Variants in HTR2C observed in about 807,000 individuals in gnomAD.
HTR2C encodes 5-hydroxytryptamine (serotonin) receptor 2C, G protein-coupled.
Under a neutral mutation model 21.0 loss-of-function variants are expected in HTR2C, and 5 were observed. That is an observed-to-expected ratio of 0.24 (90% confidence interval 0.12 to 0.50). HTR2C has a LOEUF of 0.50. Among genes scored for constraint, HTR2C ranks in the 20% least tolerant of loss-of-function variants. The pLI is 0.98. For missense variants in HTR2C, 271 were observed against 371.2 expected, an observed-to-expected ratio of 0.73 and a Z score of 2.22; for synonymous variants, 150 against 145.3, an observed-to-expected ratio of 1.03 and a Z score of -0.23.
chrX:114,898,531 T>G (rs1301193614), intron 5 of HTR2C, among the ~76,000 whole-genome samples: 3 of 112,133 alleles, frequency 2.7e-5, no homozygotes, highest in Admixed American at 9.4e-5. Context: ...TTTGGGGTTT[T>G]ACATTTAAGT....
intron 2 of HTR2C, among the ~76,000 whole-genome samples, chrX:114,642,435 A>G (rs1182309169): frequency 1.8e-5 from 2 of 111,951 alleles, no homozygotes; most frequent in African/African-American, 6.5e-5. Flanking sequence ...AAAAATATGC[A>G]ATCTAAGAGG....
chrX:114,725,211 G>A (rs1556421615), intron 2 of HTR2C, among the ~76,000 whole-genome samples: 1 of 110,951 alleles, frequency 9.0e-6, no homozygotes, highest in African/African-American at 3.3e-5. Flanking sequence ...GGCTTTGTTG[G>A]TTTCTTTTTA....
chrX:114,716,781 T>C (rs2147326299), intron 2 of HTR2C, among the ~76,000 whole-genome samples: 1 of 111,741 alleles, frequency 8.9e-6, no homozygotes, highest in African/African-American at 3.2e-5. Flanking sequence ...TCATTAGTCC[T>C]AAGGATAATT....
chrX:114,687,075 G>A (rs935925210), intron 2 of HTR2C, among the ~76,000 whole-genome samples: 2 of 108,521 alleles, frequency 1.8e-5, no homozygotes, highest in Non-Finnish European at 3.9e-5. Context: ...TTACACTGAC[G>A]TTTAGAAGAG....
At chrX:114,657,980 C>A (rs781972046) in intron 2 of HTR2C, among the ~76,000 whole-genome samples, 2 of 110,471 alleles carry the variant, frequency 1.8e-5, no homozygotes, top group African/African-American at 6.5e-5. Flanking sequence ...AACAAGATGC[C>A]CAGGCTTAAA....
chrX:114,726,009 C>T (rs1377612603), intron 2 of HTR2C, among the ~76,000 whole-genome samples: 1 of 111,220 alleles, frequency 9.0e-6, no homozygotes, highest in Non-Finnish European at 1.9e-5. Context: ...CCTACAGAGG[C>T]AGGCAGGCCT....
At chrX:114,799,986 A>G (rs1215938133) in intron 4 of HTR2C, among the ~76,000 whole-genome samples, 2 of 111,085 alleles carry the variant, frequency 1.8e-5, no homozygotes, top group African/African-American at 6.5e-5. Context: ...AGGGCCCACT[A>G]TGTGTGAGGC....
intron 2 of HTR2C, among the ~76,000 whole-genome samples, chrX:114,654,179 T>C (rs1238115966): frequency 9.1e-6 from 1 of 109,744 alleles, no homozygotes; most frequent in African/African-American, 3.3e-5. Flanking sequence ...TTTTCTGCTC[T>C]TTGCTTATTA....
chrX:114,863,409 C>T (rs1445646768), intron 5 of HTR2C, among the ~76,000 whole-genome samples: 4 of 111,693 alleles, frequency 3.6e-5, no homozygotes, highest in Admixed American at 9.5e-5. Flanking sequence ...TGTTCAGAAG[C>T]ATGTTCTTTG....
At chrX:114,781,870 G>T (rs2147401857) in intron 4 of HTR2C, among the ~76,000 whole-genome samples, 1 of 108,213 alleles carries the variant, frequency 9.2e-6, no homozygotes, top group East Asian at 2.9e-4. Context: ...AATTGGGATT[G>T]AATAGGAACA....
At chrX:114,701,486 C>T (rs1315956713) in intron 2 of HTR2C, among the ~76,000 whole-genome samples, 1 of 111,865 alleles carries the variant, frequency 8.9e-6, no homozygotes, top group Admixed American at 9.5e-5. Flanking sequence ...CTCCAACAGA[C>T]CTGCAGCTGA....
chrX:114,712,960 C>G (rs1932913573), intron 2 of HTR2C, among the ~76,000 whole-genome samples: 1 of 111,589 alleles, frequency 9.0e-6, no homozygotes, highest in Admixed American at 9.6e-5. Flanking sequence ...AAAAACTGGA[C>G]TGGTGATGTA....
intron 5 of HTR2C, among the ~76,000 whole-genome samples, chrX:114,857,703 G>T (rs1312164109): frequency 9.0e-6 from 1 of 110,640 alleles, no homozygotes; most frequent in Non-Finnish European, 1.9e-5. Context: ...AGTTCAATTT[G>T]TCAGCGTTTT....
At chrX:114,746,208 A>C (rs1290066098) in intron 4 of HTR2C, among the ~76,000 whole-genome samples, 1 of 111,650 alleles carries the variant, frequency 9.0e-6, no homozygotes, top group African/African-American at 3.2e-5. Flanking sequence ...AGAAAAAAAT[A>C]AGAATTCTAT....
intron 1 of HTR2C, among the ~76,000 whole-genome samples, chrX:114,598,745 A>G (rs1352155480): frequency 1.8e-5 from 2 of 111,520 alleles, no homozygotes; most frequent in African/African-American, 6.5e-5. Flanking sequence ...TAATTCCTAA[A>G]TGCATGGATA....
In HTR2C at chrX:114,851,646, T is replaced by C. The variant is rs781860687; in HGVS notation, c.550+3443T>C. On this transcript the variant is annotated intron_variant, in intron 5 of 5. Transcript: ENST00000276198. Reference sequence around the variant, plus strand: ...TCTTTTGTATTCAGTGTAATATATATGATTCATTATTGCCCTTAATTATTT... The same window carrying C: ...TCTTTTGTATTCAGTGTAATATATACGATTCATTATTGCCCTTAATTATTT... 4.5e-5 allele frequency among the ~76,000 whole-genome samples: 5 copies of C among 111,873 alleles called. No individual in the cohort carries two copies. The South Asian group carries it at 1.5e-3, about 33-fold the overall frequency.
chrX:114,726,245 A>G (rs1933471040), intron 2 of HTR2C, among the ~76,000 whole-genome samples: 2 of 112,615 alleles, frequency 1.8e-5, no homozygotes, highest in East Asian at 2.8e-4. Flanking sequence ...CTGTTGGAAA[A>G]GCGCAGTATT....
chrX:114,904,665 CT>C (rs1284883196), intron 5 of HTR2C, among the ~76,000 whole-genome samples: 6 of 111,257 alleles, frequency 5.4e-5, no homozygotes, highest in Non-Finnish European at 9.4e-5. Flanking sequence ...TAAGTTCCCC[CT>C]CTAACATTTT....
chrX:114,774,026 A>G lies in HTR2C; in HGVS notation c.349+42419A>G, dbSNP rs987525652. Among the ~76,000 whole-genome samples the G allele has an allele frequency of 8.0e-5, 9 of 111,899 alleles. No individual in the cohort carries two copies. The South Asian group carries it at 3.3e-3, about 41-fold the overall frequency. On this transcript the variant is annotated intron_variant, in intron 4 of 5. Coordinates refer to ENST00000276198, the MANE Select transcript of HTR2C (RefSeq NM_000868.4). ...TAAATTATTATAACCCGTGGGTCAA[A>G]CCACAATCAATATAAAGACACTTAT...
Sources: gnomAD v4.1 joint callset for allele counts (sites outside exome capture counted in the v4.1 genomes callset) on GRCh38, gnomAD v4.1.1 for gene constraint, MANE v1.5 for transcripts, NCBI Gene and HGNC (gene_info 2026-07-23, HGNC 2026-07-21) for gene names.